CNIH3: variants seen among roughly 807,000 people sequenced by gnomAD.
CNIH3 encodes the protein protein cornichon homolog 3.
Under a neutral mutation model 24.1 loss-of-function variants are expected in CNIH3, and 14 were observed. The ratio of observed to expected loss-of-function variants is 0.58; its 90% CI spans 0.38 to 0.91. CNIH3 has a LOEUF of 0.91. Among genes scored for constraint, CNIH3 ranks in the 40% least tolerant of loss-of-function variants. The probability of loss-of-function intolerance (pLI) is 0.00; values close to 1 mark genes in which losing one functional copy is unlikely to be tolerated. For synonymous variants in CNIH3, 68 were observed against 73.8 expected (o/e 0.92, Z 0.40); for missense variants, 178 against 196.8 (o/e 0.90, Z 0.57).
intron 1 of CNIH3, among the ~76,000 whole-genome samples, chr1:224,447,666 C>A (rs1444502318): frequency 1.3e-5 from 2 of 152,180 alleles, no homozygotes; most frequent in Non-Finnish European, 2.9e-5. Flanking sequence ...GGGCATTGTC[C>A]CTTACCTTGT....
At chr1:224,650,679 G>A (rs13374584) in intron 1 of CNIH3, among the ~76,000 whole-genome samples, 2,706 of 152,266 alleles carry the variant, frequency 0.018, 88 homozygotes, top group African/African-American at 0.062. Flanking sequence ...TAGCAAATTG[G>A]CATGCTGTTC....
intron 1 of CNIH3, among the ~76,000 whole-genome samples, chr1:224,620,336 T>G (rs1457093113): frequency 6.6e-6 from 1 of 152,236 alleles, no homozygotes; most frequent in Non-Finnish European, 1.5e-5. Context: ...TGATATGTAT[T>G]GGAGCTGGTA....
At chr1:224,500,331 C>T (rs1188352007) in intron 1 of CNIH3, among the ~76,000 whole-genome samples, 1 of 152,072 alleles carries the variant, frequency 6.6e-6, no homozygotes, top group African/African-American at 2.4e-5. Context: ...TCCTAATTCT[C>T]ATGGTCCCAA....
chr1:224,674,614 G>C (rs113347941), intron 1 of CNIH3, among the ~76,000 whole-genome samples: 35 of 152,172 alleles, frequency 2.3e-4, no homozygotes, highest in African/African-American at 7.2e-4. Context: ...CTGTGGTTGG[G>C]GGAACAGGGA....
Position 224,617,124 on chromosome 1 carries a change from G to A in CNIH3, c.-51G>A. 5 of 1,604,652 alleles carry A rather than the reference G, an allele frequency of 3.1e-6. No homozygotes were observed. The highest frequency in any genetic ancestry group is 1.1e-5 in the South Asian group (1 of 89,508). ...GAGTGCGGTCCTCTAGGGAGGCATC[G>A]GGCTCCTAGGGGCTTCTTGGCGTGT... On this transcript the variant is annotated 5_prime_UTR_variant, in exon 1 of 6. Coordinates refer to ENST00000272133, the MANE Select transcript of CNIH3 (RefSeq NM_152495.2).
chr1:224,602,382 T>A (rs1682243825), intron 3 of CNIH3, among the ~76,000 whole-genome samples: 1 of 152,246 alleles, frequency 6.6e-6, no homozygotes, highest in African/African-American at 2.4e-5. Context: ...AATTGTTTTA[T>A]CAATATTTTG....
chr1:224,537,549 G>A (rs989621863), downstream of CNIH3: 3 of 152,152 alleles, frequency 2.0e-5, no homozygotes, highest in Non-Finnish European at 4.4e-5. Context: ...CATATTGATT[G>A]ATGTCTCATG....
intron 1 of CNIH3, among the ~76,000 whole-genome samples, chr1:224,443,695 A>ATC (rs200941276): frequency 0.12 from 17,050 of 141,970 alleles, 1,393 homozygotes; most frequent in Non-Finnish European, 0.18. Flanking sequence ...ATCTATAGAT[A>ATC]TAGATATATA....
chr1:224,573,143 G>C (rs922374940), intron 4 of CNIH3, among the ~76,000 whole-genome samples: 2 of 152,042 alleles, frequency 1.3e-5, no homozygotes, highest in African/African-American at 4.8e-5. Flanking sequence ...TTAGTAACTT[G>C]AGTCTTTTCT....
chr1:224,543,670 T>C (rs1431578097), intron 2 of CNIH3, among the ~76,000 whole-genome samples: 1 of 152,186 alleles, frequency 6.6e-6, no homozygotes, highest in African/African-American at 2.4e-5. Context: ...GTGTTCACAA[T>C]GGCCTGCAGT....
chr1:224,687,197 TC>T (rs1248591137), intron 3 of CNIH3, among the ~76,000 whole-genome samples: 1 of 152,206 alleles, frequency 6.6e-6, no homozygotes, highest in Non-Finnish European at 1.5e-5. Flanking sequence ...CAGCACCTCT[TC>T]ACTAACTCAA....
intron 1 of CNIH3, among the ~76,000 whole-genome samples, chr1:224,439,672 C>T (rs1022770870): frequency 3.3e-5 from 5 of 151,982 alleles, no homozygotes; most frequent in African/African-American, 4.8e-5. Flanking sequence ...AGTGCAGTGG[C>T]GCAATCTCGG....
intron 5 of CNIH3, 23 bp downstream of exon 5, chr1:224,734,729 G>T: frequency 6.2e-7 from 1 of 1,611,574 alleles, no homozygotes; most frequent in Non-Finnish European, 8.5e-7. Context: ...CCCTCCTGGT[G>T]GTTTTGACTC....
chr1:224,650,269 A>G (rs1303989313), intron 1 of CNIH3, among the ~76,000 whole-genome samples: 2 of 152,122 alleles, frequency 1.3e-5, no homozygotes, highest in East Asian at 3.9e-4. Context: ...GTGAAGACTG[A>G]GGAGTATGGG....
intron 1 of CNIH3, among the ~76,000 whole-genome samples, chr1:224,643,754 C>T (rs549162376): frequency 2.4e-4 from 36 of 152,298 alleles, no homozygotes; most frequent in Admixed American, 5.2e-4. Context: ...ATAGGCTTCC[C>T]GCCTCATGGA....
chr1:224,727,395 G>C (rs1458447114), intron 3 of CNIH3, among the ~76,000 whole-genome samples: 1 of 152,148 alleles, frequency 6.6e-6, no homozygotes, highest in East Asian at 1.9e-4. Flanking sequence ...CTTACTTGTG[G>C]CTTCAGGATG....
chr1:224,485,519 G>A (rs1007146406), intron 1 of CNIH3, among the ~76,000 whole-genome samples: 18 of 151,850 alleles, frequency 1.2e-4, no homozygotes, highest in Non-Finnish European at 2.9e-5. Flanking sequence ...TAGAGACAGG[G>A]TCTGATTCTG....
chr1:224,614,906 C>T (rs1242681162), upstream of CNIH3, among the ~76,000 whole-genome samples: 6 of 151,860 alleles, frequency 4.0e-5, no homozygotes, highest in African/African-American at 1.2e-4. Context: ...CGCCACTGCA[C>T]TCCAGCCTGG....
Position 224,597,491 on chromosome 1 carries a change from A to G in CNIH3, n.402+31227A>G, listed in dbSNP as rs59610983. On this transcript the variant is annotated intron_variant and non_coding_transcript_variant, in intron 3 of 7. Coordinates refer to the CNIH3 transcript ENST00000478120. Reference sequence around the variant, plus strand: ...AAATCATCCTCTTTGGTCCAATCACATTTCTACATGGTTGTCCATGTTTCA... The same window carrying G: ...AAATCATCCTCTTTGGTCCAATCACGTTTCTACATGGTTGTCCATGTTTCA... Among the ~76,000 whole-genome samples, 361 of 152,262 alleles carry G rather than the reference A, an allele frequency of 2.4e-3. 9 individuals carry two copies. In the East Asian group the frequency reaches 0.047, roughly 20 times the overall value.
Sources: allele counts gnomAD v4.1 joint callset (sites outside exome capture counted in the v4.1 genomes callset), GRCh38; gene constraint gnomAD v4.1.1; transcripts MANE v1.5; gene names NCBI Gene and HGNC (gene_info 2026-07-23, HGNC 2026-07-21).